Variants in PCDH9 observed in about 807,000 individuals in gnomAD.
PCDH9 encodes the protein protocadherin-9.
A neutral mutation model predicts 70.6 loss-of-function variants in PCDH9; 24 were observed. The ratio of observed to expected loss-of-function variants is 0.34; its 90% CI spans 0.25 to 0.48. The LOEUF (loss-of-function observed/expected upper bound fraction) is 0.48, where lower values mean the gene tolerates loss of function less well. Ranked by LOEUF, PCDH9 falls within the 20% of genes least tolerant of loss-of-function variation. PCDH9 has a pLI of 0.99. For missense variants in PCDH9, 1,281 were observed against 1,503.6 expected, an observed-to-expected ratio of 0.85 and a Z score of 2.45; for synonymous variants, 562 against 558.5, an observed-to-expected ratio of 1.01 and a Z score of -0.09.
At chr13:66,599,260 A>T (rs74093383) in intron 4 of PCDH9, among the ~76,000 whole-genome samples, 3,535 of 151,650 alleles carry the variant, frequency 0.023, 154 homozygotes, top group African/African-American at 0.081. Flanking sequence ...TTAAAAAGAA[A>T]TTTTTTTTCT....
intron 2 of PCDH9, among the ~76,000 whole-genome samples, chr13:67,112,074 G>A (rs2086669170): frequency 6.6e-6 from 1 of 152,124 alleles, no homozygotes; most frequent in Non-Finnish European, 1.5e-5. Flanking sequence ...GATTATACCT[G>A]TGTCATTTTC....
chr13:66,968,404 C>T (rs1305271756), intron 2 of PCDH9, among the ~76,000 whole-genome samples: 4 of 151,994 alleles, frequency 2.6e-5, no homozygotes, highest in African/African-American at 9.7e-5. Context: ...CTTTTCTTGG[C>T]ATTCTCATCA....
At chr13:66,363,980 C>A (rs1385965048) in intron 4 of PCDH9, among the ~76,000 whole-genome samples, 1 of 151,916 alleles carries the variant, frequency 6.6e-6, no homozygotes, top group Admixed American at 6.6e-5. Context: ...CATGGTGAAA[C>A]CCCGTCTCTA....
chr13:66,347,609 C>T (rs1405357616), intron 4 of PCDH9, among the ~76,000 whole-genome samples: 1 of 152,190 alleles, frequency 6.6e-6, no homozygotes, highest in African/African-American at 2.4e-5. Context: ...TAATTGAGAT[C>T]TGTAGTACCT....
intron 2 of PCDH9, among the ~76,000 whole-genome samples, chr13:67,057,995 A>G (rs887993656): frequency 1.8e-4 from 27 of 152,252 alleles, no homozygotes; most frequent in African/African-American, 6.5e-4. Context: ...CACATTCCCA[A>G]TTTATATCCA....
At chr13:66,345,685 G>A (rs1956202421) in intron 4 of PCDH9, among the ~76,000 whole-genome samples, 1 of 152,108 alleles carries the variant, frequency 6.6e-6, no homozygotes, top group Non-Finnish European at 1.5e-5. Context: ...TTTGGACCTC[G>A]TTCACAGAGC....
rs1004237880 is a variant in PCDH9 at position 66,510,444 on chromosome 13, T to C, written c.3340+120766A>G. 5.3e-5 allele frequency among the ~76,000 whole-genome samples: 8 copies of C among 152,250 alleles called. No homozygotes were observed. In the East Asian group the frequency reaches 1.5e-3, roughly 29 times the overall value. The stretch of plus-strand genomic sequence containing the variant: ...GTTACATATGTATACATGTGCCATG[T>C]TGGTGTGCTGCACCCATTAAGTCGT... On this transcript the variant is annotated intron_variant, in intron 4 of 4. Transcript: ENST00000377865.
chr13:66,810,251 G>A (rs957935058), intron 3 of PCDH9, among the ~76,000 whole-genome samples: 1 of 151,984 alleles, frequency 6.6e-6, no homozygotes, highest in Non-Finnish European at 1.5e-5. Flanking sequence ...TGAAAGCAGA[G>A]TGTTAGTATA....
At chr13:66,402,802 T>C (rs1429532462) in intron 4 of PCDH9, among the ~76,000 whole-genome samples, 1 of 152,148 alleles carries the variant, frequency 6.6e-6, no homozygotes, top group African/African-American at 2.4e-5. Context: ...AAATAAAGGT[T>C]GTTGATCACA....
intron 3 of PCDH9, among the ~76,000 whole-genome samples, chr13:66,722,692 G>T (rs2078956683): frequency 1.3e-5 from 2 of 152,134 alleles, no homozygotes; most frequent in African/African-American, 4.8e-5. Context: ...TATGTGCCGG[G>T]CGCGGTGGCT....
intron 3 of PCDH9, among the ~76,000 whole-genome samples, chr13:66,872,353 A>T (rs555135016): frequency 6.6e-6 from 1 of 152,294 alleles, no homozygotes; most frequent in African/African-American, 2.4e-5. Flanking sequence ...GAATTTTCAC[A>T]TGCCCTTTTC....
chr13:66,705,457 A>C (rs1208676163), intron 3 of PCDH9, among the ~76,000 whole-genome samples: 1 of 152,212 alleles, frequency 6.6e-6, no homozygotes, highest in Admixed American at 6.5e-5. Flanking sequence ...AGTTTACTAG[A>C]GGAAAACAAC....
intron 4 of PCDH9, among the ~76,000 whole-genome samples, chr13:66,571,865 G>C (rs1333210633): frequency 6.6e-6 from 1 of 151,910 alleles, no homozygotes; most frequent in Non-Finnish European, 1.5e-5. Context: ...GGATATAAAT[G>C]TTTTATCGTG....
At chr13:66,959,425 T>C (rs1463575853) in intron 2 of PCDH9, among the ~76,000 whole-genome samples, 1 of 152,176 alleles carries the variant, frequency 6.6e-6, no homozygotes, top group African/African-American at 2.4e-5. Context: ...GTAAACTTAA[T>C]AATTGAAATG....
At chr13:66,860,709 G>A (rs544976542) in intron 3 of PCDH9, among the ~76,000 whole-genome samples, 1 of 152,286 alleles carries the variant, frequency 6.6e-6, no homozygotes, top group African/African-American at 2.4e-5. Context: ...GAGACTCATG[G>A]CACTGTCTTC....
chr13:66,534,820 A>G (rs893035057), intron 4 of PCDH9, among the ~76,000 whole-genome samples: 13 of 152,134 alleles, frequency 8.5e-5, no homozygotes, highest in African/African-American at 2.9e-4. Context: ...CCCTAGGAAT[A>G]TTTGAAACAT....
At chr13:67,116,980 A>G (rs577029288) in intron 2 of PCDH9, among the ~76,000 whole-genome samples, 1 of 152,186 alleles carries the variant, frequency 6.6e-6, no homozygotes, top group Non-Finnish European at 1.5e-5. Flanking sequence ...TCAAACTTTT[A>G]CATTATCCAT....
At chr13:66,747,547 T>A (rs1336133072) in intron 3 of PCDH9, among the ~76,000 whole-genome samples, 1 of 152,248 alleles carries the variant, frequency 6.6e-6, no homozygotes, top group South Asian at 2.1e-4. Flanking sequence ...AGATTATACA[T>A]GAAATGCAAC....
intron 2 of PCDH9, among the ~76,000 whole-genome samples, chr13:66,987,974 T>C (rs2083928377): frequency 6.6e-6 from 1 of 151,916 alleles, no homozygotes; most frequent in Non-Finnish European, 1.5e-5. Context: ...TTATAGCTTA[T>C]TGGGCTCAAT....
Sources: allele counts gnomAD v4.1 joint callset (sites outside exome capture counted in the v4.1 genomes callset), GRCh38; gene constraint gnomAD v4.1.1; transcripts MANE v1.5; gene names NCBI Gene and HGNC (gene_info 2026-07-23, HGNC 2026-07-21).